The following GLIS3 variants were observed in gnomAD, a reference collection of about 807,000 sequenced individuals.
GLIS3 encodes zinc finger protein GLIS3.
A neutral mutation model predicts 78.6 loss-of-function variants in GLIS3; 53 were observed. That is an observed-to-expected ratio of 0.67 (90% CI 0.54 to 0.85). GLIS3 has a LOEUF of 0.85. GLIS3 is among the 40% of genes least tolerant of loss of function. The pLI, the probability that GLIS3 is intolerant of heterozygous loss-of-function variation, is 0.00. For synonymous variants in GLIS3, 684 were observed against 509.9 expected (o/e 1.34, Z -4.60); for missense variants, 1,703 against 1,231.1 (o/e 1.38, Z -5.74).
Position 4,140,181 on chromosome 9 carries a change from A to T in GLIS3, c.389-14240T>A, listed in dbSNP as rs145888560. On this transcript the variant is annotated intron_variant, in intron 2 of 10. Transcript: ENST00000381971. The stretch of plus-strand genomic sequence containing the variant: ...TCCACAAAAAATACAAAAATTAGCC[A>T]GGCATGGTGGCGCGTGCCTATAATC... Among the ~76,000 whole-genome samples, 571 of 152,274 alleles carry T rather than the reference A, an allele frequency of 3.7e-3. 8 individuals are homozygous for T. Among genetic ancestry groups the T allele is most frequent in the African/African-American group, 0.013 (547 of 41,576 alleles).
At chr9:4,482,932 A>G in the GLIS3 span, among the ~76,000 whole-genome samples, 9 of 150,532 alleles carry the variant, frequency 6.0e-5, no homozygotes, top group Admixed American at 6.0e-4. Context: ...AGGGAAAAAA[A>G]GAGAGAAGCT....
chr9:4,101,978 T>C (rs1830403297), intron 4 of GLIS3, among the ~76,000 whole-genome samples: 1 of 152,230 alleles, frequency 6.6e-6, no homozygotes, highest in Non-Finnish European at 1.5e-5. Flanking sequence ...CTGTATATTT[T>C]CCATATATTA....
At chr9:4,398,324 G>C in the GLIS3 span, among the ~76,000 whole-genome samples, 1 of 151,928 alleles carries the variant, frequency 6.6e-6, no homozygotes, top group East Asian at 1.9e-4. Flanking sequence ...GCATGACCTG[G>C]AATCTTATTA....
the GLIS3 span, among the ~76,000 whole-genome samples, chr9:4,383,766 G>A: frequency 1.3e-5 from 2 of 152,126 alleles, no homozygotes; most frequent in Non-Finnish European, 2.9e-5. Flanking sequence ...AGATTTTTGG[G>A]ATAATCAGCC....
In GLIS3 at chr9:4,254,014, T is replaced by C. The variant is rs75071299; in HGVS notation, c.388+32024A>G. ...CAAAAATCACCTGCCTTCTGCCTCA[T>C]TGGGAGCTGCAGACCTGAGTTGTTC... On this transcript the variant is annotated intron_variant, in intron 2 of 10. Coordinates refer to ENST00000381971, the MANE Select transcript of GLIS3 (RefSeq NM_001042413.2). Among the ~76,000 whole-genome samples the C allele has an allele frequency of 6.3e-4, 96 of 152,288 alleles. 4 individuals carry two copies. In the East Asian group the frequency reaches 9.7e-3, roughly 15 times the overall value.
chr9:4,387,997 T>C, the GLIS3 span, among the ~76,000 whole-genome samples: 1 of 152,228 alleles, frequency 6.6e-6, no homozygotes, highest in East Asian at 1.9e-4. Flanking sequence ...GGCAATGTTC[T>C]CTTTAACCCA....
chr9:4,370,861 T>C, the GLIS3 span, among the ~76,000 whole-genome samples: 6 of 151,914 alleles, frequency 3.9e-5, no homozygotes, highest in Non-Finnish European at 8.8e-5. Flanking sequence ...TAAAGACATA[T>C]GAATATATAG....
At chr9:4,440,373 G>T in the GLIS3 span, among the ~76,000 whole-genome samples, 6 of 152,184 alleles carry the variant, frequency 3.9e-5, no homozygotes, top group Admixed American at 2.6e-4. Context: ...TTTTATATAA[G>T]GGTCTAGTTC....
At chr9:4,381,383 A>G in the GLIS3 span, among the ~76,000 whole-genome samples, 1 of 152,206 alleles carries the variant, frequency 6.6e-6, no homozygotes, top group Non-Finnish European at 1.5e-5. Context: ...GTAGTTAAAG[A>G]GGGCTCTATG....
the GLIS3 span, among the ~76,000 whole-genome samples, chr9:4,380,868 A>C: frequency 2.6e-5 from 4 of 152,224 alleles, no homozygotes; most frequent in African/African-American, 9.6e-5. Flanking sequence ...GCAATGTCTT[A>C]TCTCTCAAAA....
intron 2 of GLIS3, among the ~76,000 whole-genome samples, chr9:4,231,609 G>C (rs1283466269): frequency 1.3e-5 from 2 of 152,102 alleles, no homozygotes; most frequent in African/African-American, 4.8e-5. Flanking sequence ...AACTCTTAAA[G>C]GAACAACAAT....
chr9:3,854,530 T>C (rs969383036), intron 9 of GLIS3, among the ~76,000 whole-genome samples: 18 of 118,714 alleles, frequency 1.5e-4, no homozygotes, highest in South Asian at 3.4e-4. Context: ...GTTCAGGCCT[T>C]TACGTTGATG....
At chr9:4,203,999 G>GTA (rs1819629449) in intron 2 of GLIS3, among the ~76,000 whole-genome samples, 1 of 152,142 alleles carries the variant, frequency 6.6e-6, no homozygotes, top group African/African-American at 2.4e-5. Context: ...AAACTGTTGG[G>GTA]TATATGCTAG....
At position 3,879,441 on chromosome 9, in the gene GLIS3, G is replaced by T. The variant is rs202217571; in HGVS notation, c.2283C>A (p.Asp761Glu). Residue 761 changes from aspartate to glutamate, a missense_variant, in exon 8 of 11, where the codon GAC (aspartate) becomes GAA (glutamate). By Grantham distance (45) the Asp-to-Glu change is conservative (BLOSUM62 2). Transcript: ENST00000381971. ...SSQLPPLTAVDAGAERFAPSA... is the reference protein window; with the variant it reads ...SSQLPPLTAVEAGAERFAPSA... ...GATGGCCTTACCTCTCAGCTCCTGC[G>T]TCCACAGCTGTGAGTGGAGGTAACT... 6.2e-7 allele frequency: 1 copy of T among 1,614,050 alleles called. No individual in the cohort carries two copies. Among genetic ancestry groups the T allele is most frequent in the East Asian group, 2.2e-5 (1 of 44,872 alleles).
At chr9:4,350,865 C>G (rs1233632886), upstream of GLIS3, among the ~76,000 whole-genome samples, 1 of 152,044 alleles carries the variant, frequency 6.6e-6, no homozygotes, top group South Asian at 2.1e-4. Context: ...CAGGACTTTC[C>G]CTAGTACCAC....
intron 2 of GLIS3, among the ~76,000 whole-genome samples, chr9:4,164,490 A>C (rs1835732428): frequency 6.6e-6 from 1 of 152,198 alleles, no homozygotes. Context: ...TAGCACGGAG[A>C]CGACAGGGAT....
chr9:4,151,940 A>G (rs1420885672), intron 2 of GLIS3: 1 of 155,770 alleles, frequency 6.4e-6, no homozygotes, highest in African/African-American at 2.4e-5. Flanking sequence ...CATAAAAAAG[A>G]ATGAGAAGAC....
intron 2 of GLIS3, among the ~76,000 whole-genome samples, chr9:4,129,848 A>G (rs1158790959): frequency 6.6e-6 from 1 of 152,234 alleles, no homozygotes; most frequent in East Asian, 1.9e-4. Context: ...AGGACTCAGA[A>G]GAAGACAGGA....
At chr9:4,284,311 T>A (rs959284642) in intron 2 of GLIS3, among the ~76,000 whole-genome samples, 1 of 152,186 alleles carries the variant, frequency 6.6e-6, no homozygotes, top group Non-Finnish European at 1.5e-5. Context: ...ATTAATATTA[T>A]CACCATTATT....
Sources: allele counts gnomAD v4.1 joint callset (sites outside exome capture counted in the v4.1 genomes callset), GRCh38; gene constraint gnomAD v4.1.1; transcripts MANE v1.5; gene names NCBI Gene and HGNC (gene_info 2026-07-23, HGNC 2026-07-21).